The following CYP4V2 variants were observed in gnomAD, a reference collection of about 807,000 sequenced individuals.
The protein encoded by CYP4V2 is cytochrome P450 4V2.
Under a neutral mutation model 60.8 loss-of-function variants are expected in CYP4V2, and 55 were observed. The ratio of observed to expected loss-of-function variants is 0.90; its 90% confidence interval spans 0.73 to 1.13. The LOEUF is 1.13. Among genes scored for constraint, CYP4V2 ranks in the 50% most tolerant of loss-of-function variants. CYP4V2 has a pLI of 0.00. For missense variants in CYP4V2, 675 were observed against 662.9 expected, an observed-to-expected ratio of 1.02 and a Z score of -0.20; for synonymous variants, 239 against 236.8, an observed-to-expected ratio of 1.01 and a Z score of -0.08.
At chr4:186,197,274 T>C in intron 4 of CYP4V2, 144 bp downstream of exon 4, 1 of 1,062,160 alleles carries the variant, frequency 9.4e-7, no homozygotes, top group Non-Finnish European at 1.4e-6. Context: ...GCACTGGCCT[T>C]CTGAGGAGCA....
chr4:186,198,429 A>C (rs193125722), intron 5 of CYP4V2, among the ~76,000 whole-genome samples: 12 of 152,344 alleles, frequency 7.9e-5, no homozygotes, highest in Admixed American at 5.2e-4. Flanking sequence ...CTTTCTGAAG[A>C]ACCGGCACCT....
chr4:186,196,169 G>C (rs1736141652), intron 3 of CYP4V2, 81 bp downstream of exon 3: 15 of 1,236,230 alleles, frequency 1.2e-5, no homozygotes, highest in Non-Finnish European at 1.7e-5. Context: ...AATTAACACA[G>C]GGTAGCTTTT....
At chr4:186,210,200 A>G (rs533833842) in intron 10 of CYP4V2, among the ~76,000 whole-genome samples, 2 of 152,334 alleles carry the variant, frequency 1.3e-5, no homozygotes, top group Admixed American at 1.3e-4. Flanking sequence ...AATCTAGGGT[A>G]GTGAGTCTCA....
At chr4:186,197,423 T>C (rs1248361844) in intron 4 of CYP4V2, 110 bp from the exon 5 acceptor site, 2 of 1,121,100 alleles carry the variant, frequency 1.8e-6, no homozygotes, top group East Asian at 2.4e-5. Context: ...AATTCTGAAA[T>C]ATACAAGGAC....
In CYP4V2 at chr4:186,194,552, G is replaced by A; in HGVS notation, c.267G>A (p.Leu89=). 1 of 1,614,182 alleles carries A rather than the reference G, an allele frequency of 6.2e-7. No individual in the cohort carries two copies. Among genetic ancestry groups the A allele is most frequent in the Non-Finnish European group, 8.5e-7 (1 of 1,180,022 alleles). Residue 89 remains leucine, a synonymous_variant, in exon 2 of 11, where the codon CTG becomes CTA. Transcript: ENST00000378802. ...CAGAGGAATACCGCCACATGCCGCT[G>A]CTGAAGCTCTGGGTCGGGCCAGTGC... ...EYTEEYRHMP[L]LKLWVGPVPM...
chr4:186,205,271 A>C lies in CYP4V2; in HGVS notation c.1059A>C (p.Lys353Asn). Residue 353 changes from lysine to asparagine, a missense_variant, in exon 8 of 11, where the codon AAA becomes AAC. Coordinates refer to ENST00000378802, the MANE Select transcript of CYP4V2 (RefSeq NM_207352.4). Reference sequence around the variant, plus strand: ...TGGGTTCTAACCCAGAAGTCCAGAAAAAAGTGGATCATGAATTGGATGACG... The same window carrying C: ...TGGGTTCTAACCCAGAAGTCCAGAACAAAGTGGATCATGAATTGGATGACG... ...YLLGSNPEVQ[K>N]KVDHELDDVF... 1 of 1,614,254 alleles carries C rather than the reference A, an allele frequency of 6.2e-7. No individual in the cohort carries two copies. Among genetic ancestry groups the C allele is most frequent in the Non-Finnish European group, 8.5e-7 (1 of 1,180,046 alleles).
chr4:186,192,235 A>G, intron 1 of CYP4V2, 198 bp downstream of exon 1: 1 of 745,212 alleles, frequency 1.3e-6, no homozygotes, highest in Non-Finnish European at 2.4e-6. Context: ...CAAAGTGAGC[A>G]TTTTCTTTGT....
intron 6 of CYP4V2, among the ~76,000 whole-genome samples, chr4:186,199,631 T>A (rs1736252473): frequency 6.6e-6 from 1 of 152,202 alleles, no homozygotes. Context: ...ATGTTTGGAT[T>A]CGGCAGTCAT....
chr4:186,197,438 C>G, intron 4 of CYP4V2, 95 bp from the exon 5 acceptor site: 1 of 1,219,008 alleles, frequency 8.2e-7, no homozygotes, highest in Non-Finnish European at 1.2e-6. Flanking sequence ...AAGGACAAAG[C>G]AGGATGTACG....
Position 186,199,094 on chromosome 4 carries a change from G to C in CYP4V2, c.801+11G>C. ...ACTTTTACCAACAGTGTAAGTCCCT[G>C]ACTTTTACAATTGTGGTAAAATAGA... On this transcript the variant is annotated intron_variant, in intron 6 of 10. Coordinates refer to ENST00000378802, the MANE Select transcript of CYP4V2 (RefSeq NM_207352.4). 6.2e-7 allele frequency: 1 copy of C among 1,612,162 alleles called. No homozygotes were observed. Among genetic ancestry groups the C allele is most frequent in the South Asian group, 1.1e-5 (1 of 91,010 alleles).
intron 3 of CYP4V2, 200 bp from the exon 4 acceptor site, chr4:186,196,739 TA>T: frequency 1.8e-6 from 1 of 562,646 alleles, no homozygotes; most frequent in Non-Finnish European, 3.1e-6. Context: ...TCATATTTTG[TA>T]ACTATAGATG....
chr4:186,198,053 A>G (rs1736208491), intron 5 of CYP4V2, among the ~76,000 whole-genome samples: 1 of 152,196 alleles, frequency 6.6e-6, no homozygotes, highest in Non-Finnish European at 1.5e-5. Flanking sequence ...TTTCTGCACC[A>G]AGTAGGTATT....
In CYP4V2 at chr4:186,194,602, A is replaced by C. The variant is rs758628871; in HGVS notation, c.317A>C (p.Glu106Ala). 1.7e-5 allele frequency: 27 copies of C among 1,613,726 alleles called. 1 individual carries two copies. In the South Asian group the frequency reaches 2.7e-4, roughly 16 times the overall value. The change falls in exon 2 of 11, where the codon GAA (glutamate) becomes GCA (alanine). Residue 106 changes from glutamate to alanine, a missense_variant. By Grantham distance (107) the Glu-to-Ala change is moderately radical (BLOSUM62 -1). Coordinates refer to ENST00000378802, the MANE Select transcript of CYP4V2 (RefSeq NM_207352.4). ...CCCATGGTGGCCCTTTATAATGCAG[A>C]AAATGTGGAGGTGGGTACATGTGAA... The part of the protein sequence containing the change: ...PVPMVALYNA[E>A]NVEVILTSSK...
At chr4:186,205,444 C>A in intron 8 of CYP4V2, 142 bp downstream of exon 8, 1 of 846,686 alleles carries the variant, frequency 1.2e-6, no homozygotes, top group Non-Finnish European at 2.0e-6. Context: ...AGGCCTCGTC[C>A]ATTCACTCAC....
rs775816650 is a variant in CYP4V2, at chr4:186,197,035, C to T, written c.509C>T (p.Ala170Val). 6.2e-7 allele frequency: 1 copy of T among 1,613,688 alleles called. No individual in the cohort carries two copies. The highest frequency in any genetic ancestry group is 8.5e-7 in the Non-Finnish European group (1 of 1,179,944). ...EDFLDIMNEQ[A>V]NILVKKLEKH... ...TTCTTAGATATCATGAATGAACAAG[C>T]AAATATATTGGTTAAGAAACTTGAA... Residue 170 changes from alanine (A) to valine (V), a missense_variant, in exon 4 of 11, where the codon GCA (alanine) becomes GTA (valine). Transcript: ENST00000378802.
In CYP4V2 at chr4:186,196,961, C is replaced by T; in HGVS notation, c.435C>T (p.Ser145=). The stretch of plus-strand genomic sequence containing the variant: ...CTAGTACTGGAAACAAATGGCGCTC[C>T]AGGAGAAAGATGTTAACACCCACTT... The part of the protein sequence containing the change: ...LLTSTGNKWR[S]RRKMLTPTFH... The change falls in exon 4 of 11, where the codon TCC becomes TCT. Residue 145 remains serine, a synonymous_variant. Coordinates refer to ENST00000378802, the MANE Select transcript of CYP4V2 (RefSeq NM_207352.4). The T allele has an allele frequency of 1.2e-6, 2 of 1,613,286 alleles. No homozygotes were observed. The highest frequency in any genetic ancestry group is 1.7e-6 in the Non-Finnish European group (2 of 1,180,022).
At chr4:186,193,292 T>C (rs981650644) in intron 1 of CYP4V2, among the ~76,000 whole-genome samples, 6 of 152,222 alleles carry the variant, frequency 3.9e-5, no homozygotes, top group Non-Finnish European at 7.3e-5. Flanking sequence ...TCATACTGTT[T>C]TGGGGATTCC....
intron 8 of CYP4V2, among the ~76,000 whole-genome samples, chr4:186,208,551 C>T (rs112964581): frequency 6.6e-6 from 1 of 150,754 alleles, no homozygotes; most frequent in Non-Finnish European, 1.5e-5. Context: ...ATTTAGCATC[C>T]AGTACCTTGA....
chr4:186,208,718 C>A (rs1233189439), intron 8 of CYP4V2, 147 bp from the exon 9 acceptor site: 3 of 1,133,208 alleles, frequency 2.6e-6, no homozygotes, highest in Non-Finnish European at 4.0e-6. Flanking sequence ...TATTTAGCAT[C>A]CCCTGCCTTG....
Sources: allele counts gnomAD v4.1 joint callset (sites outside exome capture counted in the v4.1 genomes callset), GRCh38; gene constraint gnomAD v4.1.1; transcripts MANE v1.5; gene names NCBI Gene and HGNC (gene_info 2026-07-23, HGNC 2026-07-21).